Variants in TSGA10 observed in about 807,000 individuals in gnomAD.
TSGA10 encodes the protein testis-specific gene 10 protein.
TSGA10 carries 43 observed loss-of-function variants against 96.6 expected under a neutral mutation model. The observed-to-expected ratio is 0.44, with a 90% CI of 0.35 to 0.57. TSGA10 has a LOEUF of 0.57. Ranked by LOEUF, TSGA10 falls within the 20% of genes least tolerant of loss-of-function variation. The probability of loss-of-function intolerance (pLI) is 0.01; values close to 1 mark genes in which losing one functional copy is unlikely to be tolerated. For missense variants in TSGA10, 703 were observed against 834.4 expected (o/e 0.84, Z 1.94); for synonymous variants, 229 against 269.9 (o/e 0.85, Z 1.48).
chr2:99,126,865 G>A (rs1301509662), intron 2 of TSGA10, 183 bp downstream of exon 2: 1 of 417,364 alleles, frequency 2.4e-6, no homozygotes, highest in African/African-American at 2.2e-5. Context: ...TTGACACGTA[G>A]TTTGCACTCA....
intron 11 of TSGA10, 110 bp downstream of exon 11, chr2:99,081,172 G>C: frequency 2.0e-6 from 1 of 503,190 alleles, no homozygotes; most frequent in Non-Finnish European, 3.4e-6. Flanking sequence ...CATAAACTTA[G>C]TTAAGGGCTT....
Position 98,998,132 on chromosome 2 carries a change from C to CAAAA in TSGA10, c.*61_*64dup. 1 of 1,135,772 alleles carries CAAAA rather than the reference C, an allele frequency of 8.8e-7. No homozygotes were observed. The highest frequency in any genetic ancestry group is 1.2e-6 in the Non-Finnish European group (1 of 810,206). The allele number at this position is 1,135,772 out of a possible 1,614,324, so 70.4% of individuals were successfully genotyped here. A position where few individuals can be genotyped will look rare whatever the true frequency, so the allele number is the denominator to read the frequency against. On this transcript the variant is annotated 3_prime_UTR_variant, in exon 21 of 21. Transcript: ENST00000393483. ...TTAAAAGATAAATGCACTCATGTAG[C>CAAAA]AAAAAAAAAAAAATCAGTTTGTAAC... is the stretch of plus-strand genomic sequence containing the variant.
chr2:99,081,191 G>GTT, intron 11 of TSGA10, 91 bp downstream of exon 11: 1 of 607,186 alleles, frequency 1.6e-6, no homozygotes, highest in Non-Finnish European at 2.7e-6. Flanking sequence ...TTGTTTCCAA[G>GTT]TTTTTCTATG....
intron 1 of TSGA10, chr2:99,142,396 C>T (rs992323100): frequency 2.6e-5 from 4 of 152,126 alleles, no homozygotes; most frequent in African/African-American, 7.2e-5. Flanking sequence ...TTCCTGTTTT[C>T]GCCAGGTGAG....
intron 20 of TSGA10, among the ~76,000 whole-genome samples, chr2:99,015,575 CT>C (rs924724616): frequency 9.9e-5 from 15 of 152,122 alleles, no homozygotes; most frequent in African/African-American, 3.6e-4. Flanking sequence ...AGCATTCCCC[CT>C]GAGAACTGGA....
intron 1 of TSGA10, among the ~76,000 whole-genome samples, chr2:99,139,742 G>A (rs1395554592): frequency 1.3e-5 from 2 of 152,220 alleles, no homozygotes; most frequent in African/African-American, 4.8e-5. Flanking sequence ...GAAGCAAGAT[G>A]TAAATGAATA....
Position 99,040,118 on chromosome 2 carries a change from C to A in TSGA10, c.1405-4679G>T, listed in dbSNP as rs925060999. On this transcript the variant is annotated intron_variant, in intron 16 of 20. Coordinates refer to ENST00000393483, the MANE Select transcript of TSGA10 (RefSeq NM_025244.4). ...GCAAAATCAGCATAGAAGGGACATA[C>A]CCTAAGGTAATAAAAGCCATCTATG... Among the ~76,000 whole-genome samples the A allele has an allele frequency of 7.2e-5, 11 of 152,164 alleles. No homozygotes were observed. In the South Asian group the frequency reaches 1.9e-3, roughly 26 times the overall value.
chr2:99,072,236 T>C (rs988020502), intron 13 of TSGA10, among the ~76,000 whole-genome samples: 1 of 152,152 alleles, frequency 6.6e-6, no homozygotes, highest in Non-Finnish European at 1.5e-5. Flanking sequence ...GCTCAAGCCC[T>C]AGCCTCCCAA....
chr2:99,025,907 T>C (rs1558763354), intron 17 of TSGA10, among the ~76,000 whole-genome samples: 1 of 152,216 alleles, frequency 6.6e-6, no homozygotes, highest in Non-Finnish European at 1.5e-5. Context: ...TTACAAAATA[T>C]TCTTCTTTTA....
At chr2:99,117,405 G>A (rs998984351) in intron 4 of TSGA10, 139 bp downstream of exon 4, 1 of 244,566 alleles carries the variant, frequency 4.1e-6, no homozygotes, top group African/African-American at 2.3e-5. Flanking sequence ...TTAATCCTTA[G>A]AACAGACATT....
chr2:99,122,055 G>A (rs564937272), intron 2 of TSGA10, among the ~76,000 whole-genome samples: 1 of 152,250 alleles, frequency 6.6e-6, no homozygotes, highest in South Asian at 2.1e-4. Context: ...CTGCATCTCT[G>A]TCAAAAAATC....
chr2:99,058,294 A>AAGCTG (rs1366844639), intron 16 of TSGA10, among the ~76,000 whole-genome samples: 2 of 152,206 alleles, frequency 1.3e-5, no homozygotes, highest in Admixed American at 1.3e-4. Context: ...ATTCTCAATA[A>AAGCTG]AGCTGTTACA....
At chr2:99,137,269 A>C (rs1162776512) in intron 1 of TSGA10, among the ~76,000 whole-genome samples, 2 of 152,248 alleles carry the variant, frequency 1.3e-5, no homozygotes, top group Admixed American at 1.3e-4. Flanking sequence ...TGTTGGGATT[A>C]CAGGCGTGAG....
At chr2:99,043,469 A>G (rs1038215173) in intron 16 of TSGA10, among the ~76,000 whole-genome samples, 3 of 152,154 alleles carry the variant, frequency 2.0e-5, no homozygotes, top group Non-Finnish European at 4.4e-5. Flanking sequence ...CAGAAGAAAT[A>G]ATTGAAAAAA....
rs2077588319 is a variant in TSGA10 at position 98,997,954 on chromosome 2, T to C, written c.*243A>G. ...AACAGAATAGTGTTCAATAGTGAAG[T>C]AAGCAGATTTTACACTCACTATCAC... On this transcript the variant is annotated 3_prime_UTR_variant, in exon 21 of 21. Coordinates refer to ENST00000393483, the MANE Select transcript of TSGA10 (RefSeq NM_025244.4). 2.5e-6 allele frequency: 1 copy of C among 394,540 alleles called. No individual in the cohort carries two copies. Among genetic ancestry groups the C allele is most frequent in the Non-Finnish European group, 4.5e-6 (1 of 222,644 alleles). 24.4% of individuals were successfully genotyped at this position (394,540 alleles called of 1,614,324 possible).
At chr2:99,141,743 T>A (rs934430464) in intron 1 of TSGA10, 1 of 152,916 alleles carries the variant, frequency 6.5e-6, no homozygotes, top group Non-Finnish European at 1.5e-5. Context: ...TTGAAACACC[T>A]GCTGCTTCGC....
At chr2:99,123,215 T>C (rs1020448618) in intron 2 of TSGA10, among the ~76,000 whole-genome samples, 1 of 152,240 alleles carries the variant, frequency 6.6e-6, no homozygotes, top group African/African-American at 2.4e-5. Flanking sequence ...TGCATTTCTT[T>C]GGGTGACTCC....
At chr2:99,126,774 T>C (rs1020632496) in intron 2 of TSGA10, 1 of 188,250 alleles carries the variant, frequency 5.3e-6, no homozygotes, top group African/African-American at 2.4e-5. Context: ...TCCACATCTA[T>C]AAATGGAAAC....
chr2:99,003,633 ACT>A (rs2078181253), intron 20 of TSGA10, among the ~76,000 whole-genome samples: 1 of 152,330 alleles, frequency 6.6e-6, no homozygotes, highest in Middle Eastern at 3.4e-3. Context: ...TCAAATTAGA[ACT>A]CAGGATTAAG....
Sources: gnomAD v4.1 joint callset for allele counts (sites outside exome capture counted in the v4.1 genomes callset) on GRCh38, gnomAD v4.1.1 for gene constraint, MANE v1.5 for transcripts, NCBI Gene and HGNC (gene_info 2026-07-23, HGNC 2026-07-21) for gene names.